The following RBFOX1 variants were observed in gnomAD, a reference collection of about 807,000 sequenced individuals.
RBFOX1 encodes RNA binding protein fox-1 homolog 1.
In RBFOX1, 8 loss-of-function variants were observed where a neutral mutation model predicts 57.7. The observed-to-expected ratio is 0.14, with a 90% CI of 0.08 to 0.25. The LOEUF (loss-of-function observed/expected upper bound fraction) is 0.25, where lower values mean the gene tolerates loss of function less well. Among genes scored for constraint, RBFOX1 ranks in the 10% least tolerant of loss-of-function variants. The pLI, the probability that RBFOX1 is intolerant of heterozygous loss-of-function variation, is 1.00. For missense variants in RBFOX1, 611 were observed against 548.5 expected (o/e 1.11, Z -1.14); for synonymous variants, 326 against 222.4 (o/e 1.47, Z -4.15).
At chr16:5,383,204 C>G (rs546942487) in intron 1 of RBFOX1, among the ~76,000 whole-genome samples, 31 of 152,232 alleles carry the variant, frequency 2.0e-4, no homozygotes, top group African/African-American at 7.0e-4. Context: ...GGTGGGGAAA[C>G]AGGAGGAGTA....
intron 3 of RBFOX1, among the ~76,000 whole-genome samples, chr16:6,728,889 G>A (rs969820639): frequency 3.9e-5 from 6 of 151,922 alleles, no homozygotes; most frequent in African/African-American, 1.5e-4. Context: ...TTTAGATAAT[G>A]ATATATATAT....
chr16:7,573,401 C>T (rs1012626879), intron 5 of RBFOX1, among the ~76,000 whole-genome samples: 3 of 152,072 alleles, frequency 2.0e-5, no homozygotes, highest in East Asian at 1.9e-4. Context: ...GCCACTTTCC[C>T]GTCCACCTCT....
intron 4 of RBFOX1, among the ~76,000 whole-genome samples, chr16:7,197,032 C>T (rs994682984): frequency 6.6e-6 from 1 of 152,144 alleles, no homozygotes; most frequent in African/African-American, 2.4e-5. Context: ...AGGTGCACAC[C>T]ATAGCCATCT....
At chr16:7,693,321 G>T in intron 14 of RBFOX1, 2 of 1,612,162 alleles carry the variant, frequency 1.2e-6, no homozygotes, top group Non-Finnish European at 1.7e-6. Context: ...CCAGAAATCA[G>T]TTCGTCTTCG....
intron 3 of RBFOX1, among the ~76,000 whole-genome samples, chr16:6,798,123 A>T (rs1603626014): frequency 6.6e-6 from 1 of 152,244 alleles, no homozygotes; most frequent in Non-Finnish European, 1.5e-5. Context: ...CACGCATTTA[A>T]TAAATAGGTC....
At chr16:7,678,699 A>G (rs2074013091) in intron 14 of RBFOX1, among the ~76,000 whole-genome samples, 2 of 152,352 alleles carry the variant, frequency 1.3e-5, no homozygotes, top group South Asian at 4.1e-4. Context: ...ACAATTAACA[A>G]TATTTAATGC....
chr16:7,574,561 G>A, intron 5 of RBFOX1, among the ~76,000 whole-genome samples: 1 of 152,168 alleles, frequency 6.6e-6, no homozygotes, highest in East Asian at 1.9e-4. Flanking sequence ...GAAGCATCCA[G>A]CATGGGGGAG....
chr16:7,058,710 A>G (rs1013696422), intron 4 of RBFOX1, among the ~76,000 whole-genome samples: 7 of 152,212 alleles, frequency 4.6e-5, no homozygotes, highest in African/African-American at 1.7e-4. Flanking sequence ...ATTGTTGGAT[A>G]TTAATGGATT....
At chr16:6,316,558 A>C (rs976417706) in intron 1 of RBFOX1, among the ~76,000 whole-genome samples, 7 of 152,196 alleles carry the variant, frequency 4.6e-5, no homozygotes, top group African/African-American at 1.7e-4. Flanking sequence ...CCTAGGGGGA[A>C]AATCCATAAT....
intron 1 of RBFOX1, among the ~76,000 whole-genome samples, chr16:5,322,952 G>A (rs1052882074): frequency 6.6e-6 from 1 of 152,130 alleles, no homozygotes; most frequent in African/African-American, 2.4e-5. Flanking sequence ...CAGAGTCTGA[G>A]GTCCTGGGGG....
rs1029407068 is a variant in RBFOX1, at chr16:5,482,546, A to T, written c.258+15292A>T. ...AAAGCAGGCACTTAATGCAAATCTA[A>T]TTTTTCATGCTGATGCCTATCAATT... On this transcript the variant is annotated intron_variant, in intron 2 of 2. Transcript: ENST00000585867. Among the ~76,000 whole-genome samples the T allele has an allele frequency of 3.9e-5, 6 of 152,110 alleles. No homozygotes were observed. The East Asian group carries it at 9.6e-4, about 24-fold the overall frequency.
intron 4 of RBFOX1, among the ~76,000 whole-genome samples, chr16:5,992,348 T>C (rs963287331): frequency 2.1e-4 from 32 of 152,234 alleles, no homozygotes; most frequent in Admixed American, 1.9e-3. Flanking sequence ...CAAAAGCTAC[T>C]TCAGTAATTG....
At chr16:7,231,143 A>T (rs1057280661) in intron 4 of RBFOX1, among the ~76,000 whole-genome samples, 1 of 152,218 alleles carries the variant, frequency 6.6e-6, no homozygotes, top group Non-Finnish European at 1.5e-5. Context: ...TTTTGTCTCC[A>T]TGGTAGACAA....
intron 14 of RBFOX1, among the ~76,000 whole-genome samples, chr16:7,683,854 G>A (rs1014127): frequency 0.85 from 129,371 of 151,812 alleles, 55,514 homozygotes; most frequent in Non-Finnish European, 0.9. Flanking sequence ...AAAAAAACCT[G>A]CATTCTAGAA....
intron 4 of RBFOX1, among the ~76,000 whole-genome samples, chr16:7,241,443 T>C (rs1287579165): frequency 6.6e-6 from 1 of 152,212 alleles, no homozygotes; most frequent in Admixed American, 6.5e-5. Flanking sequence ...AGTGTGGTTG[T>C]TTAATTAAAC....
intron 3 of RBFOX1, among the ~76,000 whole-genome samples, chr16:6,805,114 C>G (rs1413152069): frequency 1.3e-5 from 2 of 152,050 alleles, no homozygotes; most frequent in African/African-American, 4.8e-5. Context: ...CAGCATTACT[C>G]ACAATAGCAA....
chr16:6,890,084 G>A (rs2065054386), intron 3 of RBFOX1, among the ~76,000 whole-genome samples: 1 of 152,176 alleles, frequency 6.6e-6, no homozygotes, highest in African/African-American at 2.4e-5. Flanking sequence ...AGTAAAATGT[G>A]TTTAGCACAA....
At chr16:7,506,579 T>TTCA (rs796170479) in intron 4 of RBFOX1, among the ~76,000 whole-genome samples, 117 of 146,336 alleles carry the variant, frequency 8.0e-4, no homozygotes, top group Admixed American at 1.8e-3. Flanking sequence ...TACCATCACC[T>TTCA]TCATCATCAT....
chr16:6,000,479 G>A (rs1042388758), intron 4 of RBFOX1, among the ~76,000 whole-genome samples: 2 of 152,148 alleles, frequency 1.3e-5, no homozygotes, highest in Non-Finnish European at 2.9e-5. Flanking sequence ...TATAAAATTG[G>A]ATCCCGTGCA....
Sources: gnomAD v4.1 joint callset for allele counts (sites outside exome capture counted in the v4.1 genomes callset) on GRCh38, gnomAD v4.1.1 for gene constraint, MANE v1.5 for transcripts, NCBI Gene and HGNC (gene_info 2026-07-23, HGNC 2026-07-21) for gene names.